XPO5: variants seen among roughly 807,000 people sequenced by gnomAD.
XPO5 encodes the protein exportin 5.
In XPO5, 46 loss-of-function variants were observed where a neutral mutation model predicts 160.6. The ratio of observed to expected loss-of-function variants is 0.29; its 90% CI spans 0.23 to 0.37. XPO5 has a LOEUF of 0.37. Among genes scored for constraint, XPO5 ranks in the 10% least tolerant of loss-of-function variants. XPO5 has a pLI of 1.00. For synonymous variants in XPO5, 537 were observed against 519.3 expected (o/e 1.03, Z -0.46); for missense variants, 1,090 against 1,463.9 (o/e 0.74, Z 4.17).
At chr6:43,533,837 A>T in intron 21 of XPO5, 70 bp downstream of exon 21, 1 of 1,240,452 alleles carries the variant, frequency 8.1e-7, no homozygotes, top group Non-Finnish European at 1.1e-6. Context: ...ACTCTTAAAA[A>T]ACAACAAAAA....
intron 13 of XPO5, 90 bp from the exon 14 acceptor site, chr6:43,553,593 G>T: frequency 6.8e-7 from 1 of 1,472,340 alleles, no homozygotes; most frequent in Non-Finnish European, 9.0e-7. Context: ...AGAGACAATG[G>T]AGCCTTAGAG....
intron 22 of XPO5, 143 bp downstream of exon 22, chr6:43,531,336 C>A (rs560435636): frequency 2.7e-6 from 2 of 730,640 alleles, no homozygotes; most frequent in Non-Finnish European, 4.5e-6. Context: ...GCTTTCATTT[C>A]TATTTAACAC....
intron 1 of XPO5, 54 bp downstream of exon 1, chr6:43,575,706 C>T: frequency 6.6e-7 from 1 of 1,521,108 alleles, no homozygotes; most frequent in Non-Finnish European, 9.0e-7. Context: ...GCCGGAGCTG[C>T]TGGGGCTGGG....
In XPO5 at chr6:43,564,177, C is replaced by A. The variant is rs149577843; in HGVS notation, c.911+1483G>T. ...CCTCAGGTGGTCCATCTGCCTTGGC[C>A]TCCTAAAGTGCTGTGATCACAAGCA... On this transcript the variant is annotated intron_variant, in intron 8 of 31. Coordinates refer to ENST00000265351, the MANE Select transcript of XPO5 (RefSeq NM_020750.3). Among the ~76,000 whole-genome samples, 498 of 152,252 alleles carry A rather than the reference C, an allele frequency of 3.3e-3. 5 individuals carry two copies. In the Middle Eastern group the frequency reaches 0.048, roughly 15 times the overall value.
At chr6:43,531,437 T>C in intron 22 of XPO5, 42 bp downstream of exon 22, 1 of 1,562,364 alleles carries the variant, frequency 6.4e-7, no homozygotes, top group South Asian at 1.1e-5. Flanking sequence ...ATACAATACA[T>C]ATCGAGGAAG....
chr6:43,551,543 G>C, intron 14 of XPO5, 90 bp from the exon 15 acceptor site: 2 of 1,501,254 alleles, frequency 1.3e-6, no homozygotes, highest in South Asian at 1.2e-5. Flanking sequence ...CTTTTAAAGA[G>C]ACAGGGTCTC....
chr6:43,526,167 C>T lies in XPO5; in HGVS notation c.2984-246G>A, dbSNP rs190368305. ...GCAGAAACACAAAATGCTGCAAATA[C>T]TGAAGTTACTTTGTTGTTGGACAAA... On this transcript the variant is annotated intron_variant, in intron 27 of 31. Coordinates refer to ENST00000265351, the MANE Select transcript of XPO5 (RefSeq NM_020750.3). 3 of 501,830 alleles carry T rather than the reference C, an allele frequency of 6.0e-6. No individual in the cohort carries two copies. The East Asian group carries it at 1.0e-4, about 17-fold the overall frequency. 31.1% of individuals were successfully genotyped at this position (501,830 alleles called of 1,614,324 possible). A position where few individuals can be genotyped will look rare whatever the true frequency, so the allele number is the denominator to read the frequency against.
intron 3 of XPO5, 116 bp downstream of exon 3, chr6:43,572,390 C>T (rs1046991226): frequency 5.0e-6 from 5 of 1,000,444 alleles, no homozygotes; most frequent in Non-Finnish European, 3.1e-6. Flanking sequence ...ATTATGATTT[C>T]TTGTGCTGTC....
intron 31 of XPO5, 46 bp downstream of exon 31, chr6:43,524,425 G>A (rs1582189930): frequency 1.9e-6 from 3 of 1,590,264 alleles, no homozygotes; most frequent in African/African-American, 2.7e-5. Flanking sequence ...CCATACACAT[G>A]ATTTAAGAAG....
chr6:43,575,229 G>A (rs1277743917), intron 1 of XPO5, among the ~76,000 whole-genome samples: 1 of 152,154 alleles, frequency 6.6e-6, no homozygotes, highest in Non-Finnish European at 1.5e-5. Flanking sequence ...GAATTTCCCC[G>A]GAAAATGTCC....
chr6:43,529,747 C>A (rs1306788824), intron 23 of XPO5, among the ~76,000 whole-genome samples: 1 of 150,690 alleles, frequency 6.6e-6, no homozygotes, highest in Non-Finnish European at 1.5e-5. Context: ...TAATACAGAC[C>A]CATCTCTACA....
At position 43,568,301 on chromosome 6, in the gene XPO5, C is replaced by T. The variant is rs148449012; in HGVS notation, c.648+410G>A. ...CAGCCTGGGCAAGTGAGCGAGACTC[C>T]GTCTCAAAAACAAAAACAAAAACAA... On this transcript the variant is annotated intron_variant, in intron 6 of 31. Coordinates refer to ENST00000265351, the MANE Select transcript of XPO5 (RefSeq NM_020750.3). 7.2e-3 allele frequency among the ~76,000 whole-genome samples: 1,092 copies of T among 151,830 alleles called. 9 individuals are homozygous for T. Among genetic ancestry groups the T allele is most frequent in the African/African-American group, 0.025 (1,028 of 41,376 alleles).
intron 21 of XPO5, 175 bp downstream of exon 21, chr6:43,533,732 G>A (rs1391540451): frequency 1.0e-5 from 4 of 384,066 alleles, no homozygotes; most frequent in South Asian, 5.1e-5. Context: ...CTACTCGGGA[G>A]GCTGAGGCAG....
Position 43,553,601 on chromosome 6 carries a change from G to C in XPO5, c.1442-98C>G, listed in dbSNP as rs1216299954. On this transcript the variant is annotated intron_variant, in intron 13 of 31. Coordinates refer to ENST00000265351, the MANE Select transcript of XPO5 (RefSeq NM_020750.3). ...GACACAGAGAGACAATGGAGCCTTA[G>C]AGAACACCTGAGAATTTCATGATTG... 3 of 1,456,538 alleles carry C rather than the reference G, an allele frequency of 2.1e-6. No individual in the cohort carries two copies. The East Asian group carries it at 7.6e-5, about 37-fold the overall frequency. The allele number at this position is 1,456,538 out of a possible 1,614,324, so 90.2% of individuals were successfully genotyped here.
intron 27 of XPO5, 133 bp downstream of exon 27, chr6:43,526,552 G>T: frequency 1.0e-6 from 1 of 979,108 alleles, no homozygotes; most frequent in Non-Finnish European, 1.6e-6. Flanking sequence ...ACAGCAAGAG[G>T]GCTGGTCCAG....
chr6:43,535,582 C>T lies in XPO5; in HGVS notation c.2343-1575G>A, dbSNP rs9472071. 8.6e-3 allele frequency among the ~76,000 whole-genome samples: 1,305 copies of T among 151,798 alleles called. 22 individuals carry two copies. The highest frequency in any genetic ancestry group is 0.029 in the African/African-American group (1,181 of 41,398). On this transcript the variant is annotated intron_variant, in intron 20 of 31. Transcript: ENST00000265351. ...AAGAAGTCATTCTAGAGGCCGGGCG[C>T]GGTGGATCACGAGGTCAGGAGATCG...
At chr6:43,555,709 A>G (rs1762044372) in intron 13 of XPO5, 127 bp downstream of exon 13, 1 of 1,184,936 alleles carries the variant, frequency 8.4e-7, no homozygotes, top group African/African-American at 1.5e-5. Context: ...CTCCAGGATG[A>G]GCAAAGCTAT....
At position 43,525,196 on chromosome 6, in the gene XPO5, A is replaced by T. The variant is rs763878174; in HGVS notation, c.3085T>A (p.Leu1029Ile). The T allele has an allele frequency of 3.8e-6, 6 of 1,578,976 alleles. No individual in the cohort carries two copies. The highest frequency in any genetic ancestry group is 5.2e-6 in the Non-Finnish European group (6 of 1,161,518). ...MKHEDVCTAL[L>I]ITAFNSLAWK... ...GCCAGGGAATTGAAGGCTGTAATTAATAGCGCTGTACAAACATCCTGAACA... is the reference window on the plus strand; with the variant it reads ...GCCAGGGAATTGAAGGCTGTAATTATTAGCGCTGTACAAACATCCTGAACA... Residue 1029 changes from leucine to isoleucine, a missense_variant, in exon 29 of 32, where the codon TTA (leucine) becomes ATA (isoleucine). Around this residue, in one of 3 missense-constraint regions of XPO5, gnomAD observed 810 missense variants for 1,139.0 expected, o/e 0.71. Coordinates refer to ENST00000265351, the MANE Select transcript of XPO5 (RefSeq NM_020750.3).
chr6:43,549,713 C>T lies in XPO5; in HGVS notation c.1771-135G>A, dbSNP rs534136132. 5 of 1,220,960 alleles carry T rather than the reference C, an allele frequency of 4.1e-6. No individual in the cohort carries two copies. In the African/African-American group the frequency reaches 4.6e-5, roughly 11 times the overall value. 75.6% of individuals were successfully genotyped at this position (1,220,960 alleles called of 1,614,324 possible). On this transcript the variant is annotated intron_variant, in intron 16 of 31. Transcript: ENST00000265351. ...CAACCCTAAGAGTATAATGGAGTAA[C>T]ATTTATAGCCACCAAGAATCCATGT...
Sources: gnomAD v4.1 joint callset for allele counts (sites outside exome capture counted in the v4.1 genomes callset) on GRCh38, gnomAD v4.1.1 for gene constraint, gnomAD v4.1.1 regional missense constraint, MANE v1.5 for transcripts, NCBI Gene and HGNC (gene_info 2026-07-23, HGNC 2026-07-21) for gene names.